Variants in INPP4B observed in about 807,000 individuals in gnomAD.
The protein encoded by INPP4B is inositol polyphosphate 4-phosphatase type II.
INPP4B carries 55 observed loss-of-function variants against 122.5 expected under a neutral mutation model. The observed-to-expected ratio is 0.45, with a 90% CI of 0.36 to 0.56. INPP4B has a LOEUF of 0.56. INPP4B is among the 20% of genes least tolerant of loss of function. INPP4B has a pLI of 0.00. For synonymous variants in INPP4B, 403 were observed against 388.7 expected, an observed-to-expected ratio of 1.04 and a Z score of -0.43; for missense variants, 1,000 against 1,097.7, an observed-to-expected ratio of 0.91 and a Z score of 1.26.
chr4:142,511,572 T>C (rs1289111838), intron 2 of INPP4B, among the ~76,000 whole-genome samples: 1 of 152,162 alleles, frequency 6.6e-6, no homozygotes, highest in African/African-American at 2.4e-5. Flanking sequence ...AGAGTTTAAA[T>C]CAGTGGTTCT....
At position 142,836,719 on chromosome 4, in the gene INPP4B, T is replaced by TACACACACACACACACAC. The variant is rs138777384; in HGVS notation, c.-254+9472_-254+9489dup. Among the ~76,000 whole-genome samples, 1,000 of 146,470 alleles carry TACACACACACACACACAC rather than the reference T, an allele frequency of 6.8e-3. 7 individuals carry two copies. The highest frequency in any genetic ancestry group is 0.026 in the Middle Eastern group (7 of 274). ...TTTAGGTAAATGAAAAAGTACTGTCTACACACACACACACACACACACACA... is the reference window on the plus strand; with the variant it reads ...TTTAGGTAAATGAAAAAGTACTGTCTACACACACACACACACACACACACACACACACACACACACACA... On this transcript the variant is annotated intron_variant, in intron 1 of 25. Coordinates refer to ENST00000262992, the MANE Select transcript of INPP4B (RefSeq NM_001101669.3).
intron 2 of INPP4B, among the ~76,000 whole-genome samples, chr4:142,667,589 G>A (rs1756322598): frequency 6.6e-6 from 1 of 152,178 alleles, no homozygotes; most frequent in South Asian, 2.1e-4. Flanking sequence ...CCATCTGTGA[G>A]CATATCTCTA....
intron 7 of INPP4B, among the ~76,000 whole-genome samples, chr4:142,393,732 TCAAC>T (rs1798460926): frequency 6.6e-6 from 1 of 152,336 alleles, no homozygotes; most frequent in South Asian, 2.1e-4. Context: ...CAGCCATACT[TCAAC>T]CAATCATACA....
rs928832728 is a variant in INPP4B at position 142,213,458 on chromosome 4, A to T, written c.837-4432T>A. Among the ~76,000 whole-genome samples the T allele has an allele frequency of 2.0e-5, 3 of 152,102 alleles. 1 individual carries two copies. Among genetic ancestry groups the T allele is most frequent in the African/African-American group, 7.2e-5 (3 of 41,420 alleles). On this transcript the variant is annotated intron_variant, in intron 12 of 25. Coordinates refer to ENST00000262992, the MANE Select transcript of INPP4B (RefSeq NM_001101669.3). ...TAAGATCTAGGTCCAACCACAATAG[A>T]TCATTCTCTTCATGGGTCTATTGCA... is the stretch of plus-strand genomic sequence containing the variant.
intron 2 of INPP4B, among the ~76,000 whole-genome samples, chr4:142,465,166 C>T (rs183378954): frequency 1.3e-5 from 2 of 152,268 alleles, no homozygotes; most frequent in East Asian, 3.9e-4. Context: ...AACTGGATAA[C>T]TGTGCAAGTC....
intron 2 of INPP4B, among the ~76,000 whole-genome samples, chr4:142,681,870 G>C (rs1758671652): frequency 6.6e-6 from 1 of 151,734 alleles, no homozygotes. Context: ...TAATAAATAT[G>C]GTTGGCAGAT....
intron 3 of INPP4B, among the ~76,000 whole-genome samples, chr4:142,458,883 T>C (rs1430332025): frequency 3.9e-5 from 6 of 152,134 alleles, no homozygotes; most frequent in Non-Finnish European, 8.8e-5. Context: ...TCAAAGTAAG[T>C]TAAGGCCACA....
chr4:142,323,830 G>C (rs1355699203), intron 7 of INPP4B, among the ~76,000 whole-genome samples: 1 of 151,716 alleles, frequency 6.6e-6, no homozygotes, highest in Non-Finnish European at 1.5e-5. Flanking sequence ...TTTTATGTGA[G>C]GCAAATGGCA....
intron 2 of INPP4B, among the ~76,000 whole-genome samples, chr4:142,512,667 G>A (rs1372451627): frequency 2.0e-5 from 3 of 151,884 alleles, no homozygotes; most frequent in Admixed American, 6.6e-5. Context: ...CACTTTAGTC[G>A]TCGTCATCAT....
chr4:142,247,391 T>C (rs910702522), intron 11 of INPP4B, among the ~76,000 whole-genome samples: 2 of 152,164 alleles, frequency 1.3e-5, no homozygotes, highest in Non-Finnish European at 2.9e-5. Context: ...CTTGTATCTC[T>C]GGTAGAATTT....
intron 3 of INPP4B, among the ~76,000 whole-genome samples, chr4:142,454,633 T>A (rs892809512): frequency 6.6e-6 from 1 of 152,024 alleles, no homozygotes; most frequent in Non-Finnish European, 1.5e-5. Flanking sequence ...ATGAGAGAGG[T>A]ACAGCAAAGT....
At chr4:142,370,466 A>C (rs1789452141) in intron 7 of INPP4B, among the ~76,000 whole-genome samples, 1 of 152,190 alleles carries the variant, frequency 6.6e-6, no homozygotes, top group Non-Finnish European at 1.5e-5. Context: ...AAGATTAAGA[A>C]GAAATAAAAG....
At chr4:142,128,374 CACACAT>C (rs1395049537) in intron 18 of INPP4B, among the ~76,000 whole-genome samples, 8 of 114,650 alleles carry the variant, frequency 7.0e-5, no homozygotes, top group African/African-American at 2.9e-4. Flanking sequence ...CACACACACA[CACACAT>C]ACACACACAT....
At chr4:142,183,391 A>G (rs1831732507) in intron 15 of INPP4B, among the ~76,000 whole-genome samples, 1 of 152,174 alleles carries the variant, frequency 6.6e-6, no homozygotes, top group South Asian at 2.1e-4. Context: ...CCTCTAATAA[A>G]GATCTTGCAA....
At chr4:142,587,150 A>T (rs112336874) in intron 2 of INPP4B, among the ~76,000 whole-genome samples, 1 of 152,168 alleles carries the variant, frequency 6.6e-6, no homozygotes, top group Non-Finnish European at 1.5e-5. Flanking sequence ...AATAGAAGTA[A>T]ACTAACCACA....
rs530331576 is a variant in INPP4B, at chr4:142,701,354, A to G, written c.-191+24485T>C. On this transcript the variant is annotated intron_variant, in intron 2 of 25. Coordinates refer to ENST00000262992, the MANE Select transcript of INPP4B (RefSeq NM_001101669.3). ...GAAATGATGTATTATAGCCAGGAGA[A>G]TGAGGAAGGTCAACTCTAAGGCTCC... Among the ~76,000 whole-genome samples, 8 of 152,124 alleles carry G rather than the reference A, an allele frequency of 5.3e-5. No individual in the cohort carries two copies. The East Asian group carries it at 1.2e-3, about 22-fold the overall frequency.
At chr4:142,266,254 T>G (rs932638860) in intron 10 of INPP4B, among the ~76,000 whole-genome samples, 14 of 152,138 alleles carry the variant, frequency 9.2e-5, no homozygotes, top group African/African-American at 3.4e-4. Flanking sequence ...GGGTTTCGAA[T>G]GCACAAACTC....
intron 2 of INPP4B, among the ~76,000 whole-genome samples, chr4:142,464,641 G>C (rs950875541): frequency 1.3e-5 from 2 of 151,170 alleles, no homozygotes; most frequent in African/African-American, 4.9e-5. Context: ...CATAGTAAGA[G>C]AAATCATGAA....
rs1046257416 is a variant in INPP4B at position 142,594,728 on chromosome 4, G to T, written c.-191+131111C>A. ...CCCAGCACTTTGGGAGCCCGAGGCGGTTGGATCACCAGGTCAGGAGATCGA... is the reference window on the plus strand; with the variant it reads ...CCCAGCACTTTGGGAGCCCGAGGCGTTTGGATCACCAGGTCAGGAGATCGA... On this transcript the variant is annotated intron_variant, in intron 2 of 25. Transcript: ENST00000262992. Among the ~76,000 whole-genome samples, 4 of 152,100 alleles carry T rather than the reference G, an allele frequency of 2.6e-5. No homozygotes were observed. The South Asian group carries it at 8.3e-4, about 31-fold the overall frequency.
Sources: gnomAD v4.1 joint callset for allele counts (sites outside exome capture counted in the v4.1 genomes callset) on GRCh38, gnomAD v4.1.1 for gene constraint, MANE v1.5 for transcripts, NCBI Gene and HGNC (gene_info 2026-07-23, HGNC 2026-07-21) for gene names.